The following DISC1 variants were observed in gnomAD, a reference collection of about 807,000 sequenced individuals.
The protein encoded by DISC1 is disrupted in schizophrenia 1 protein.
In DISC1, 57 loss-of-function variants were observed where a neutral mutation model predicts 84.5. The ratio of observed to expected loss-of-function variants is 0.67; its 90% CI spans 0.55 to 0.84. The LOEUF is 0.84. Ranked by LOEUF, DISC1 falls within the 40% of genes least tolerant of loss-of-function variation. DISC1 has a pLI of 0.00. For synonymous variants in DISC1, 411 were observed against 415.2 expected (o/e 0.99, Z 0.12); for missense variants, 1,000 against 1,057.8 (o/e 0.95, Z 0.76).
intron 3 of DISC1, among the ~76,000 whole-genome samples, chr1:231,703,614 G>A (rs2066677660): frequency 6.6e-6 from 1 of 152,152 alleles, no homozygotes; most frequent in South Asian, 2.1e-4. Flanking sequence ...CTTAGGACCT[G>A]GTGAACTTTC....
chr1:231,695,047 C>T lies in DISC1; in HGVS notation c.1047+242C>T, dbSNP rs113106037. Among the ~76,000 whole-genome samples, 385 of 152,310 alleles carry T rather than the reference C, an allele frequency of 2.5e-3. 6 individuals carry two copies. The highest frequency in any genetic ancestry group is 8.8e-3 in the African/African-American group (367 of 41,574). On this transcript the variant is annotated intron_variant, in intron 2 of 12. Coordinates refer to ENST00000439617, the MANE Select transcript of DISC1 (RefSeq NM_018662.3). ...TGCTCAGATTTGCTCTCCATTGGGC[C>T]GCAGGCTCCTCTGCAGGCCCCGGCT...
chr1:231,791,236 A>G (rs1320165341), intron 6 of DISC1, among the ~76,000 whole-genome samples: 1 of 152,224 alleles, frequency 6.6e-6, no homozygotes, highest in African/African-American at 2.4e-5. Flanking sequence ...TAGAATTCCA[A>G]AAATTTGTCT....
intron 8 of DISC1, among the ~76,000 whole-genome samples, chr1:231,817,609 T>C (rs529008338): frequency 6.6e-6 from 1 of 152,346 alleles, no homozygotes; most frequent in East Asian, 1.9e-4. Flanking sequence ...TGCACATATT[T>C]AAAGAAAGTA....
intron 9 of DISC1, among the ~76,000 whole-genome samples, chr1:231,824,201 C>T (rs746631052): frequency 3.9e-5 from 6 of 152,086 alleles, no homozygotes; most frequent in Non-Finnish European, 7.3e-5. Context: ...TAACAGAGGG[C>T]CAAGCCGTCT....
chr1:231,800,871 G>A (rs896472936), intron 8 of DISC1, among the ~76,000 whole-genome samples: 81 of 151,868 alleles, frequency 5.3e-4, no homozygotes, highest in Non-Finnish European at 8.1e-4. Flanking sequence ...CACTCAATTA[G>A]CTAAGCAGTG....
At position 231,905,482 on chromosome 1, in the gene DISC1, C is replaced by T. The variant is rs142812884; in HGVS notation, c.1982-53346C>T. Among the ~76,000 whole-genome samples the T allele has an allele frequency of 4.5e-3, 684 of 151,716 alleles. 1 individual carries two copies. Among genetic ancestry groups the T allele is most frequent in the Non-Finnish European group, 8.2e-3 (556 of 67,972 alleles). On this transcript the variant is annotated intron_variant, in intron 9 of 12. Coordinates refer to ENST00000439617, the MANE Select transcript of DISC1 (RefSeq NM_018662.3). ...AAATTTTTTTTTTTAATTAGCCTGG[C>T]GTGGTGATGCACACCTGTAGTTCCT...
chr1:231,977,228 G>A (rs1662936664), intron 10 of DISC1, among the ~76,000 whole-genome samples: 2 of 152,146 alleles, frequency 1.3e-5, no homozygotes, highest in Non-Finnish European at 2.9e-5. Flanking sequence ...TTCTTTTGCT[G>A]CTGTAACAAA....
chr1:232,032,662 G>A (rs200201403), intron 12 of DISC1, among the ~76,000 whole-genome samples: 1 of 152,182 alleles, frequency 6.6e-6, no homozygotes, highest in African/African-American at 2.4e-5. Context: ...AGCTACTCAG[G>A]TCCCTAAGGC....
intron 9 of DISC1, among the ~76,000 whole-genome samples, chr1:231,874,195 G>T (rs1038389058): frequency 6.6e-6 from 1 of 151,500 alleles, no homozygotes; most frequent in African/African-American, 2.4e-5. Flanking sequence ...GTCTCACTCT[G>T]TCACCAGGCT....
intron 9 of DISC1, among the ~76,000 whole-genome samples, chr1:231,846,599 G>C (rs537935716): frequency 6.6e-6 from 1 of 152,274 alleles, no homozygotes; most frequent in South Asian, 2.1e-4. Flanking sequence ...AGACACTCAC[G>C]GTGCAGGGAC....
intron 6 of DISC1, among the ~76,000 whole-genome samples, chr1:231,785,244 TGTGTG>T (rs376699037): frequency 0.16 from 22,153 of 137,444 alleles, 2,030 homozygotes; most frequent in South Asian, 0.23. Flanking sequence ...TGTGTGTGTG[TGTGTG>T]TGTGTTATTT....
chr1:231,846,446 A>G (rs2083453572), intron 9 of DISC1, among the ~76,000 whole-genome samples: 1 of 152,176 alleles, frequency 6.6e-6, no homozygotes, highest in Non-Finnish European at 1.5e-5. Context: ...GCCACTACAT[A>G]ACTGCCAAAG....
chr1:231,772,325 C>T (rs1299169964), intron 6 of DISC1, among the ~76,000 whole-genome samples: 1 of 152,050 alleles, frequency 6.6e-6, no homozygotes, highest in Non-Finnish European at 1.5e-5. Context: ...ACATGTTGGA[C>T]AAAAAAGTGA....
At chr1:231,809,155 ATC>A (rs1461603653) in intron 8 of DISC1, among the ~76,000 whole-genome samples, 2 of 152,160 alleles carry the variant, frequency 1.3e-5, no homozygotes, top group African/African-American at 4.8e-5. Flanking sequence ...CTCAGTTTTT[ATC>A]TCTCGCCACT....
intron 9 of DISC1, among the ~76,000 whole-genome samples, chr1:231,839,553 C>T (rs958921255): frequency 1.3e-5 from 2 of 152,154 alleles, no homozygotes; most frequent in Non-Finnish European, 2.9e-5. Context: ...TTCAAGATTT[C>T]TGAAAGGTCG....
intron 1 of DISC1, among the ~76,000 whole-genome samples, chr1:231,645,122 A>G (rs1362803993): frequency 2.0e-5 from 3 of 152,196 alleles, no homozygotes. Flanking sequence ...GCATAGGTAT[A>G]GTCATCTATG....
chr1:231,898,553 A>C (rs992037783), intron 9 of DISC1, among the ~76,000 whole-genome samples: 10 of 152,262 alleles, frequency 6.6e-5, no homozygotes, highest in African/African-American at 9.6e-5. Flanking sequence ...AAGTAAACAG[A>C]ACACCATAAA....
chr1:231,806,866 C>T (rs1416807691), intron 8 of DISC1, among the ~76,000 whole-genome samples: 3 of 152,214 alleles, frequency 2.0e-5, no homozygotes, highest in Non-Finnish European at 4.4e-5. Flanking sequence ...CCTCTAGGGC[C>T]GAGAGTGTGG....
intron 1 of DISC1, among the ~76,000 whole-genome samples, chr1:231,632,997 G>A (rs1477457540): frequency 6.6e-6 from 1 of 152,138 alleles, no homozygotes; most frequent in African/African-American, 2.4e-5. Flanking sequence ...CTTGAACCTG[G>A]GAGGCAGAGG....
Sources: gnomAD v4.1 joint callset for allele counts (sites outside exome capture counted in the v4.1 genomes callset) on GRCh38, gnomAD v4.1.1 for gene constraint, MANE v1.5 for transcripts, NCBI Gene and HGNC (gene_info 2026-07-23, HGNC 2026-07-21) for gene names.